PCDHGB7: variants seen among roughly 807,000 people sequenced by gnomAD.
PCDHGB7 encodes the protein protocadherin gamma-B7.
A neutral mutation model predicts 61.4 loss-of-function variants in PCDHGB7; 37 were observed. The ratio of observed to expected loss-of-function variants is 0.60; its 90% CI spans 0.46 to 0.79. The LOEUF is 0.79. PCDHGB7 is among the 30% of genes least tolerant of loss of function. PCDHGB7 has a pLI of 0.00. For missense variants in PCDHGB7, 1,166 were observed against 1,202.5 expected (o/e 0.97, Z 0.45); for synonymous variants, 464 against 503.5 (o/e 0.92, Z 1.05).
Position 141,491,898 on chromosome 5 carries a change from G to C in PCDHGB7, c.2416-2909G>C, listed in dbSNP as rs772673872. 9.0e-5 allele frequency: 129 copies of C among 1,428,816 alleles called. 1 individual carries two copies. In the Middle Eastern group the frequency reaches 2.0e-3, roughly 22 times the overall value. The allele number at this position is 1,428,816 out of a possible 1,614,324, so 88.5% of individuals were successfully genotyped here. On this transcript the variant is annotated intron_variant, in intron 1 of 3. Coordinates refer to ENST00000398594, the MANE Select transcript of PCDHGB7 (RefSeq NM_018927.4). The surrounding 1 kb of genome is among the most constrained non-coding windows in gnomAD (Gnocchi z 6.9). ...ATTAAGGGATGGGGCTCCGAGCACCGGGGGTGGTGGCGACTGTGGGCGAGG... is the reference window on the plus strand; with the variant it reads ...ATTAAGGGATGGGGCTCCGAGCACCCGGGGTGGTGGCGACTGTGGGCGAGG...
At position 141,491,290 on chromosome 5, in the gene PCDHGB7, C is replaced by T. The variant is rs747758229; in HGVS notation, c.2416-3517C>T. Reference sequence around the variant, plus strand: ...CAAATCCAGTGACTTCCTCATACACCCTCCTGAGCGTTCAGACCTTACCCT... The same window carrying T: ...CAAATCCAGTGACTTCCTCATACACTCTCCTGAGCGTTCAGACCTTACCCT... On this transcript the variant is annotated intron_variant, in intron 1 of 3. Coordinates refer to ENST00000398594, the MANE Select transcript of PCDHGB7 (RefSeq NM_018927.4). The surrounding 1 kb of genome is among the most constrained non-coding windows in gnomAD (Gnocchi z 6.9). 6.2e-7 allele frequency: 1 copy of T among 1,613,974 alleles called. No homozygotes were observed. Among genetic ancestry groups the T allele is most frequent in the Non-Finnish European group, 8.5e-7 (1 of 1,179,952 alleles).
chr5:141,437,664 A>G (rs10035418), intron 1 of PCDHGB7, among the ~76,000 whole-genome samples: 45,525 of 151,942 alleles, frequency 0.3, 8,040 homozygotes, highest in African/African-American at 0.5. Context: ...AGTTTCGAAG[A>G]GATGTTGATC....
At chr5:141,466,938 G>C (rs985959499) in intron 1 of PCDHGB7, among the ~76,000 whole-genome samples, 1 of 151,854 alleles carries the variant, frequency 6.6e-6, no homozygotes, top group Non-Finnish European at 1.5e-5. Context: ...TTAGTCCTTT[G>C]TCCAGTAAAC....
chr5:141,476,357 C>T lies in PCDHGB7; in HGVS notation c.2416-18450C>T. On this transcript the variant is annotated intron_variant, in intron 1 of 3. Transcript: ENST00000398594. The surrounding 1 kb of genome is among the most constrained non-coding windows in gnomAD (Gnocchi z 7.6). ...TAGCCGAAGATTCTTTGAGGTGAAC[C>T]GGGAGACCGGAGAGATGTTTGTGAA... The T allele has an allele frequency of 6.2e-7, 1 of 1,614,052 alleles. No individual in the cohort carries two copies. The highest frequency in any genetic ancestry group is 2.2e-5 in the East Asian group (1 of 44,854).
chr5:141,447,885 A>T (rs2098554278), intron 1 of PCDHGB7, among the ~76,000 whole-genome samples: 1 of 152,134 alleles, frequency 6.6e-6, no homozygotes, highest in Admixed American at 6.6e-5. Context: ...CAGGAGTTCG[A>T]GACCAGCCTG....
In PCDHGB7 at chr5:141,430,720, T is replaced by C. The variant is rs369549088; in HGVS notation, c.2415+10446T>C. On this transcript the variant is annotated intron_variant, in intron 1 of 3. Transcript: ENST00000398594. ...AAGGAACTGCTCCTGACTTCAGTGG[T>C]TAAGGGCAGAATTGAAAATAATTCT... The C allele has an allele frequency of 4.9e-4, 734 of 1,486,386 alleles. 1 individual carries two copies. Among genetic ancestry groups the C allele is most frequent in the Middle Eastern group, 9.1e-4 (5 of 5,506 alleles). The allele number at this position is 1,486,386 out of a possible 1,614,324, so 92.1% of individuals were successfully genotyped here.
chr5:141,441,041 C>T (rs2098220628), intron 1 of PCDHGB7: 1 of 152,152 alleles, frequency 6.6e-6, no homozygotes, highest in African/African-American at 2.4e-5. Context: ...ACTTTAAGTA[C>T]ATTGGACTTT....
At chr5:141,494,161 T>G (rs1420295862) in intron 1 of PCDHGB7, among the ~76,000 whole-genome samples, 3 of 152,052 alleles carry the variant, frequency 2.0e-5, no homozygotes, top group African/African-American at 7.3e-5. Flanking sequence ...TGGCACGGAG[T>G]TCTAGGGGTG....
At position 141,490,742 on chromosome 5, in the gene PCDHGB7, C is replaced by A. The variant is rs1281337347; in HGVS notation, c.2416-4065C>A. 1.2e-6 allele frequency: 2 copies of A among 1,614,062 alleles called. No homozygotes were observed. Among genetic ancestry groups the A allele is most frequent in the Non-Finnish European group, 1.7e-6 (2 of 1,180,022 alleles). On this transcript the variant is annotated intron_variant, in intron 1 of 3. Coordinates refer to ENST00000398594, the MANE Select transcript of PCDHGB7 (RefSeq NM_018927.4). This position sits in a 1 kb window ranked among gnomAD's most constrained non-coding sequence, Gnocchi z 5.4. ...ATTGTAGGAAATCAGGTTCAGGGAGCCCCAGCCTCCTCCTTTGTGTATGTC... is the reference window on the plus strand; with the variant it reads ...ATTGTAGGAAATCAGGTTCAGGGAGACCCAGCCTCCTCCTTTGTGTATGTC...
chr5:141,464,515 A>C (rs969421973), intron 1 of PCDHGB7, among the ~76,000 whole-genome samples: 4 of 152,028 alleles, frequency 2.6e-5, no homozygotes, highest in Non-Finnish European at 4.4e-5. Flanking sequence ...CATAAGGTAA[A>C]GGCATATGTA....
At position 141,502,665 on chromosome 5, in the gene PCDHGB7, A is replaced by G. The variant is rs192555506; in HGVS notation, c.2475-2728A>G. The stretch of plus-strand genomic sequence containing the variant: ...GAGATAGGCAGCAACCCTTCATGCA[A>G]TTTTAGTATTCCCTGATGATCCTTG... On this transcript the variant is annotated intron_variant, in intron 2 of 3. Transcript: ENST00000398594. 3.7e-3 allele frequency among the ~76,000 whole-genome samples: 568 copies of G among 152,330 alleles called. 1 individual carries two copies. Among genetic ancestry groups the G allele is most frequent in the African/African-American group, 0.013 (544 of 41,584 alleles).
At chr5:141,495,236 A>G (rs2099759742) in intron 2 of PCDHGB7, among the ~76,000 whole-genome samples, 1 of 152,168 alleles carries the variant, frequency 6.6e-6, no homozygotes, top group South Asian at 2.1e-4. Flanking sequence ...GGGCTCCATT[A>G]TGACCTGGGG....
At position 141,490,591 on chromosome 5, in the gene PCDHGB7, G is replaced by A; in HGVS notation, c.2416-4216G>A. 1 of 1,614,100 alleles carries A rather than the reference G, an allele frequency of 6.2e-7. No homozygotes were observed. Among genetic ancestry groups the A allele is most frequent in the African/African-American group, 1.3e-5 (1 of 75,016 alleles). ...CAACATTTCAGATGTCAATGACAAT[G>A]CACCCCGCTTCAACCAGCAGCTTTA... On this transcript the variant is annotated intron_variant, in intron 1 of 3. Coordinates refer to ENST00000398594, the MANE Select transcript of PCDHGB7 (RefSeq NM_018927.4). This position sits in a 1 kb window ranked among gnomAD's most constrained non-coding sequence, Gnocchi z 5.4.
intron 1 of PCDHGB7, among the ~76,000 whole-genome samples, chr5:141,494,030 A>G (rs1165393646): frequency 6.6e-6 from 1 of 151,978 alleles, no homozygotes; most frequent in Non-Finnish European, 1.5e-5. Context: ...AGCCCTGGAG[A>G]CTTAGTTGGC....
chr5:141,478,364 G>A (rs1382073187), intron 1 of PCDHGB7: 2 of 1,613,660 alleles, frequency 1.2e-6, no homozygotes, highest in African/African-American at 2.7e-5. Flanking sequence ...CGTGCGGGGA[G>A]GCCTGATGTC....
At chr5:141,506,240 G>A (rs918820495) in intron 3 of PCDHGB7, among the ~76,000 whole-genome samples, 8 of 152,184 alleles carry the variant, frequency 5.3e-5, no homozygotes, top group Middle Eastern at 3.4e-3. Flanking sequence ...CATGAGGTCA[G>A]GAGTTCGAAA....
At chr5:141,494,772 G>C in intron 1 of PCDHGB7, 35 bp from the exon 2 acceptor site, 1 of 1,613,982 alleles carries the variant, frequency 6.2e-7, no homozygotes, top group Non-Finnish European at 8.5e-7. Context: ...ACTTCTCACG[G>C]GTACTCAGCC....
chr5:141,510,229 C>T (rs904367594), intron 3 of PCDHGB7, among the ~76,000 whole-genome samples: 3 of 150,486 alleles, frequency 2.0e-5, no homozygotes, highest in African/African-American at 7.4e-5. Context: ...GCCGGGATCG[C>T]GCCACTGCAC....
intron 1 of PCDHGB7, among the ~76,000 whole-genome samples, chr5:141,471,046 CT>C (rs1170588345): frequency 0.24 from 27,253 of 113,216 alleles, 2,739 homozygotes; most frequent in African/African-American, 0.39. Context: ...CCCAAGCCCT[CT>C]TTTTTTTTTT....
Sources: allele counts gnomAD v4.1 joint callset (sites outside exome capture counted in the v4.1 genomes callset), GRCh38; gene constraint gnomAD v4.1.1; non-coding constraint Gnocchi (gnomAD v3.1); transcripts MANE v1.5; gene names NCBI Gene and HGNC (gene_info 2026-07-23, HGNC 2026-07-21).